ABCE1: variants seen among roughly 807,000 people sequenced by gnomAD.
ABCE1 encodes ATP-binding cassette sub-family E member 1.
Under a neutral mutation model 83.4 loss-of-function variants are expected in ABCE1, and 22 were observed. That is an observed-to-expected ratio of 0.26 (90% CI 0.19 to 0.38). The LOEUF (loss-of-function observed/expected upper bound fraction) is 0.38, where lower values mean the gene tolerates loss of function less well. Ranked by LOEUF, ABCE1 falls within the 10% of genes least tolerant of loss-of-function variation. ABCE1 has a pLI of 1.00. For synonymous variants in ABCE1, 204 were observed against 233.7 expected, an observed-to-expected ratio of 0.87 and a Z score of 1.16; for missense variants, 330 against 721.9, an observed-to-expected ratio of 0.46 and a Z score of 6.22.
At chr4:145,104,252 C>T (rs1749235124) in intron 1 of ABCE1, 134 bp from the exon 2 acceptor site, 1 of 418,768 alleles carries the variant, frequency 2.4e-6, no homozygotes, top group African/African-American at 2.1e-5. Flanking sequence ...TTACATTTGT[C>T]AAAATTTATA....
chr4:145,105,131 A>G (rs1171774436), intron 2 of ABCE1, among the ~76,000 whole-genome samples: 2 of 152,102 alleles, frequency 1.3e-5, no homozygotes, highest in Non-Finnish European at 2.9e-5. Context: ...CAGAAATTCC[A>G]TTATCCCTAC....
chr4:145,112,206 C>G (rs1225819310), intron 8 of ABCE1, 33 bp from the exon 9 acceptor site: 2 of 1,417,578 alleles, frequency 1.4e-6, no homozygotes, highest in Middle Eastern at 1.9e-4. Flanking sequence ...GTCTTTCAAA[C>G]TTATATTTGC....
chr4:145,121,831 C>T, intron 13 of ABCE1: 1 of 157,474 alleles, frequency 6.4e-6, no homozygotes, highest in East Asian at 1.9e-4. Flanking sequence ...GAGATTGCAT[C>T]ACTACACTCT....
chr4:145,105,219 A>G (rs957818813), intron 2 of ABCE1, among the ~76,000 whole-genome samples: 12 of 152,038 alleles, frequency 7.9e-5, no homozygotes, highest in African/African-American at 2.7e-4. Flanking sequence ...ACAATAGTTC[A>G]TTCGTTTAAT....
chr4:145,123,265 C>A lies in ABCE1; in HGVS notation c.1425C>A (p.Cys475Ter). ...TACAGCGAGTAGCTTTAGCCCTTTG[C>A]TTGGGCAAACCTGCTGATGTCTATT... ...GELQRVALAL[C>*]LGKPADVYLI... is the part of the protein sequence containing the mutation. The change falls in exon 15 of 18, where the codon TGC (cysteine) becomes TGA (stop). Residue 475 changes from cysteine (C) to a stop codon, truncating the protein, a stop_gained. Coordinates refer to ENST00000296577, the MANE Select transcript of ABCE1 (RefSeq NM_002940.3). LOFTEE classifies it high-confidence loss of function. The A allele has an allele frequency of 6.2e-7, 1 of 1,612,480 alleles. No individual in the cohort carries two copies. Among genetic ancestry groups the A allele is most frequent in the Non-Finnish European group, 8.5e-7 (1 of 1,179,476 alleles).
At chr4:145,109,058 A>C (rs1010920322) in intron 4 of ABCE1, 74 bp from the exon 5 acceptor site, 1 of 1,040,018 alleles carries the variant, frequency 9.6e-7, no homozygotes, top group Non-Finnish European at 1.5e-6. Context: ...GCATTAAAAT[A>C]TATCATTCTG....
Position 145,121,160 on chromosome 4 carries a change from T to C in ABCE1, c.1145-14T>C. 2 of 1,612,802 alleles carry C rather than the reference T, an allele frequency of 1.2e-6. No individual in the cohort carries two copies. Among genetic ancestry groups the C allele is most frequent in the Non-Finnish European group, 1.7e-6 (2 of 1,179,736 alleles). On this transcript the variant is annotated splice_polypyrimidine_tract_variant and intron_variant, in intron 11 of 17. Coordinates refer to ENST00000296577, the MANE Select transcript of ABCE1 (RefSeq NM_002940.3). Reference sequence around the variant, plus strand: ...GCATCTTTCAGATCAAACTGTCATATGTTGTGTTGCCAGGAACGGGTAAAA... The same window carrying C: ...GCATCTTTCAGATCAAACTGTCATACGTTGTGTTGCCAGGAACGGGTAAAA...
rs1219935733 is a variant in ABCE1 at position 145,109,247 on chromosome 4, G to C, written c.403G>C (p.Asp135His). ...GKQKPNLGKY[D>H]DPPDWQEILT... ...ACAAAAGCCAAACCTTGGAAAGTACGATGTATGTATTATCACCTTGTAAAA... is the reference window on the plus strand; with the variant it reads ...ACAAAAGCCAAACCTTGGAAAGTACCATGTATGTATTATCACCTTGTAAAA... The change falls in exon 5 of 18, where the codon GAT becomes CAT. Residue 135 changes from aspartate to histidine, a missense_variant and splice_region_variant. Transcript: ENST00000296577. 3 of 1,587,958 alleles carry C rather than the reference G, an allele frequency of 1.9e-6. No homozygotes were observed. Among genetic ancestry groups the C allele is most frequent in the Admixed American group, 3.4e-5 (2 of 59,172 alleles).
At position 145,128,842 on chromosome 4, in the gene ABCE1, T is replaced by C. The variant is rs2126718858; in HGVS notation, c.*1269T>C. On this transcript the variant is annotated 3_prime_UTR_variant, in exon 18 of 18. Transcript: ENST00000296577. Reference sequence around the variant, plus strand: ...ATATGCAAATAATGGCTAGAAAGTATGGTTTAACTGGACCCTATTATGCCT... The same window carrying C: ...ATATGCAAATAATGGCTAGAAAGTACGGTTTAACTGGACCCTATTATGCCT... The C allele has an allele frequency of 6.6e-6, 1 of 152,348 alleles. No individual in the cohort carries two copies. The highest frequency in any genetic ancestry group is 1.5e-5 in the Non-Finnish European group (1 of 68,020). The allele number at this position is 152,348 out of a possible 1,614,324, so 9.4% of individuals were successfully genotyped here.
At chr4:145,121,038 A>G (rs996830858) in intron 11 of ABCE1, 136 bp from the exon 12 acceptor site, 25 of 772,124 alleles carry the variant, frequency 3.2e-5, no homozygotes, top group Middle Eastern at 3.8e-4. Context: ...GTATTTTTCT[A>G]TATAAACTTC....
intron 9 of ABCE1, among the ~76,000 whole-genome samples, chr4:145,114,975 A>G (rs1000626520): frequency 2.0e-5 from 3 of 152,030 alleles, no homozygotes; most frequent in Non-Finnish European, 4.4e-5. Context: ...ATATCCTTGG[A>G]TAATGAAAAA....
In ABCE1 at chr4:145,119,928, A is replaced by C. The variant is rs1217059581; in HGVS notation, c.923-4A>C. The C allele has an allele frequency of 6.2e-7, 1 of 1,608,240 alleles. No homozygotes were observed. ...CTCCCGGTTGACAATTTTCTTCCCA[A>C]CAGGCATAAACATTTTTTTGGATGG... On this transcript the variant is annotated splice_region_variant and splice_polypyrimidine_tract_variant and intron_variant, in intron 10 of 17. Coordinates refer to ENST00000296577, the MANE Select transcript of ABCE1 (RefSeq NM_002940.3).
At chr4:145,116,297 C>T (rs571518101) in intron 9 of ABCE1, among the ~76,000 whole-genome samples, 2 of 151,690 alleles carry the variant, frequency 1.3e-5, no homozygotes, top group East Asian at 3.9e-4. Flanking sequence ...AATTGAGACC[C>T]ACATCAGGGG....
intron 4 of ABCE1, among the ~76,000 whole-genome samples, chr4:145,108,671 T>C (rs1749378206): frequency 1.3e-5 from 2 of 152,196 alleles, no homozygotes; most frequent in African/African-American, 4.8e-5. Context: ...AGGGGCCTAC[T>C]GCAGCAGGGA....
rs1028342998 is a variant in ABCE1 at position 145,128,974 on chromosome 4, G to A, written c.*1401G>A. Reference sequence around the variant, plus strand: ...TTTATTACCCTCCCAAAGGTTACCAGCGTTTGAATTTAATAATGTATATTC... The same window carrying A: ...TTTATTACCCTCCCAAAGGTTACCAACGTTTGAATTTAATAATGTATATTC... On this transcript the variant is annotated 3_prime_UTR_variant, in exon 18 of 18. Coordinates refer to ENST00000296577, the MANE Select transcript of ABCE1 (RefSeq NM_002940.3). 6 of 152,226 alleles carry A rather than the reference G, an allele frequency of 3.9e-5. No homozygotes were observed. The highest frequency in any genetic ancestry group is 1.4e-4 in the African/African-American group (6 of 41,552). The allele number at this position is 152,226 out of a possible 1,614,324, so 9.4% of individuals were successfully genotyped here.
intron 13 of ABCE1, 86 bp downstream of exon 13, chr4:145,121,477 C>A: frequency 9.8e-7 from 1 of 1,015,632 alleles, no homozygotes. Context: ...TAAAATTTTT[C>A]TCCAAATTAG....
chr4:145,116,522 G>A (rs1289225271), intron 9 of ABCE1, among the ~76,000 whole-genome samples: 2 of 151,950 alleles, frequency 1.3e-5, no homozygotes, highest in Non-Finnish European at 2.9e-5. Flanking sequence ...TGTGTAGGAA[G>A]CTGATACATT....
chr4:145,125,252 G>A (rs1749849348), intron 17 of ABCE1, 151 bp downstream of exon 17: 3 of 550,452 alleles, frequency 5.5e-6, no homozygotes, highest in Non-Finnish European at 9.7e-6. Context: ...CAGATCACTT[G>A]AGGTCACGAG....
At chr4:145,121,717 C>CA (rs1161595166) in intron 13 of ABCE1, 5 of 209,176 alleles carry the variant, frequency 2.4e-5, no homozygotes, top group Non-Finnish European at 4.9e-5. Context: ...ACTAAAACTA[C>CA]AAAAAACTAG....
Sources: gnomAD v4.1 joint callset for allele counts (sites outside exome capture counted in the v4.1 genomes callset) on GRCh38, gnomAD v4.1.1 for gene constraint, MANE v1.5 for transcripts, NCBI Gene and HGNC (gene_info 2026-07-23, HGNC 2026-07-21) for gene names.